Variants in RALGAPA2 observed in about 807,000 individuals in gnomAD.
The protein encoded by RALGAPA2 is Ral GTPase activating protein catalytic subunit alpha 2.
RALGAPA2 carries 139 observed loss-of-function variants against 230.4 expected under a neutral mutation model. The observed-to-expected ratio is 0.60, with a 90% CI of 0.53 to 0.69. RALGAPA2 has a LOEUF of 0.69. Among genes scored for constraint, RALGAPA2 ranks in the 30% least tolerant of loss-of-function variants. RALGAPA2 has a pLI of 0.00. For missense variants in RALGAPA2, 2,163 were observed against 2,276.0 expected (o/e 0.95, Z 1.01); for synonymous variants, 847 against 837.8 (o/e 1.01, Z -0.19).
At chr20:20,581,869 T>C (rs1225031821) in intron 20 of RALGAPA2, among the ~76,000 whole-genome samples, 1 of 152,208 alleles carries the variant, frequency 6.6e-6, no homozygotes, top group Non-Finnish European at 1.5e-5. Context: ...TTAGCCTTTA[T>C]GTTAATCATT....
At position 20,616,079 on chromosome 20, in the gene RALGAPA2, C is replaced by G. The variant is rs770356194; in HGVS notation, c.1652G>C (p.Arg551Pro). Reference protein sequence around the residue: ...ACKAVLIIFRRMIMELTMNKK... With the variant: ...ACKAVLIIFRPMIMELTMNKK... ...ATTCATTGTAAGCTCCATTATCATG[C>G]GCCTAAAAATAATCAAAACAGCTTT... Residue 551 changes from arginine to proline, a missense_variant, in exon 13 of 40, where the codon CGC becomes CCC. Physicochemically the swap from Arg to Pro is moderately radical, Grantham distance 103. Coordinates refer to ENST00000202677, the MANE Select transcript of RALGAPA2 (RefSeq NM_020343.4). 5 of 1,548,366 alleles carry G rather than the reference C, an allele frequency of 3.2e-6. No homozygotes were observed. The East Asian group carries it at 9.5e-5, about 29-fold the overall frequency.
chr20:20,444,853 C>G (rs896322258), intron 37 of RALGAPA2, among the ~76,000 whole-genome samples: 9 of 152,182 alleles, frequency 5.9e-5, no homozygotes, highest in Non-Finnish European at 1.5e-5. Flanking sequence ...ATGGAAGATT[C>G]CAGAAGTAAT....
chr20:20,405,607 G>A (rs533023752), intron 38 of RALGAPA2, among the ~76,000 whole-genome samples: 3 of 152,336 alleles, frequency 2.0e-5, no homozygotes, highest in South Asian at 4.1e-4. Flanking sequence ...GAAGAAGCAC[G>A]AAGCCTAAAG....
intron 1 of RALGAPA2, among the ~76,000 whole-genome samples, chr20:20,691,160 C>T (rs1000824321): frequency 6.6e-6 from 1 of 152,150 alleles, no homozygotes; most frequent in African/African-American, 2.4e-5. Context: ...TCTTATCCTT[C>T]CCGCCCACTC....
intron 17 of RALGAPA2, 42 bp from the exon 18 acceptor site, chr20:20,589,407 T>A: frequency 3.3e-6 from 5 of 1,525,894 alleles, no homozygotes; most frequent in Non-Finnish European, 4.4e-6. Context: ...ATAGAAGGAA[T>A]GTTTCAGATA....
intron 3 of RALGAPA2, among the ~76,000 whole-genome samples, chr20:20,661,676 T>A (rs1040317550): frequency 2.6e-5 from 4 of 152,146 alleles, no homozygotes; most frequent in Non-Finnish European, 5.9e-5. Context: ...GTGTACTGGT[T>A]ACCACACACA....
chr20:20,506,233 G>A (rs1289883419), intron 33 of RALGAPA2, among the ~76,000 whole-genome samples: 1 of 151,892 alleles, frequency 6.6e-6, no homozygotes, highest in Non-Finnish European at 1.5e-5. Flanking sequence ...GGATACTCTG[G>A]TATCAAATCA....
chr20:20,571,914 G>A lies in RALGAPA2; in HGVS notation c.2934C>T (p.Asn978=). The change falls in exon 22 of 40, where the codon AAC becomes AAT. Residue 978 remains asparagine (N), a synonymous_variant. Transcript: ENST00000202677. ...AAACTGGAGGAGATGGAGAAGACTG[G>A]TTATCCAGGCTTATTGCTAGATTAT... ...IRDNLAISLD[N]QSSPSPPVLI... is the part of the protein sequence containing the mutation. 2 of 1,610,854 alleles carry A rather than the reference G, an allele frequency of 1.2e-6. No individual in the cohort carries two copies. Among genetic ancestry groups the A allele is most frequent in the Non-Finnish European group, 1.7e-6 (2 of 1,178,190 alleles).
intron 37 of RALGAPA2, among the ~76,000 whole-genome samples, chr20:20,434,559 T>C (rs942571563): frequency 2.0e-5 from 3 of 152,174 alleles, no homozygotes; most frequent in Non-Finnish European, 4.4e-5. Flanking sequence ...CAGGAGGAGA[T>C]GACCACGTTC....
chr20:20,633,141 TC>T, intron 9 of RALGAPA2, among the ~76,000 whole-genome samples: 1 of 151,764 alleles, frequency 6.6e-6, no homozygotes, highest in South Asian at 2.1e-4. Context: ...TTTCTTTCTT[TC>T]TTCTTTTTTG....
At chr20:20,708,116 C>T (rs1164086876) in intron 1 of RALGAPA2, among the ~76,000 whole-genome samples, 1 of 152,046 alleles carries the variant, frequency 6.6e-6, no homozygotes, top group Admixed American at 6.6e-5. Context: ...GTAAAAAATA[C>T]TGATAGCATT....
chr20:20,536,608 A>C (rs2063504328), intron 25 of RALGAPA2, 48 bp downstream of exon 25: 4 of 1,585,026 alleles, frequency 2.5e-6, no homozygotes, highest in Middle Eastern at 3.4e-4. Context: ...ATACATCTAG[A>C]ATTATAAAAA....
chr20:20,618,381 T>C (rs908944782), intron 12 of RALGAPA2, among the ~76,000 whole-genome samples: 1 of 152,144 alleles, frequency 6.6e-6, no homozygotes, highest in Non-Finnish European at 1.5e-5. Context: ...TGTGAAATCA[T>C]CTCAACTTTT....
chr20:20,499,831 T>G (rs1381980942), intron 35 of RALGAPA2, among the ~76,000 whole-genome samples: 8 of 152,218 alleles, frequency 5.3e-5, no homozygotes, highest in African/African-American at 1.9e-4. Context: ...ATGTTTCACA[T>G]GCACTGCTGC....
chr20:20,583,090 A>G lies in RALGAPA2; in HGVS notation c.2667T>C (p.His889=), dbSNP rs1408731430. Residue 889 remains histidine, a synonymous_variant, in exon 20 of 40, where the codon CAT becomes CAC. Transcript: ENST00000202677. The part of the protein sequence containing the change: ...TDVVADADAR[H]WLQLSPTDAS... ...CATCGGTGGGACTCAGTTGTAACCA[A>G]TGACGGGCATCAGCATCAGCCACAA... 1 of 1,613,676 alleles carries G rather than the reference A, an allele frequency of 6.2e-7. No homozygotes were observed. Among genetic ancestry groups the G allele is most frequent in the Non-Finnish European group, 8.5e-7 (1 of 1,179,722 alleles).
At chr20:20,664,004 T>C (rs781259565) in intron 3 of RALGAPA2, among the ~76,000 whole-genome samples, 1 of 152,202 alleles carries the variant, frequency 6.6e-6, no homozygotes, top group Non-Finnish European at 1.5e-5. Context: ...AGCTAGCATC[T>C]ACAGCATGGA....
At chr20:20,402,857 G>C (rs760078946) in intron 38 of RALGAPA2, among the ~76,000 whole-genome samples, 1 of 152,156 alleles carries the variant, frequency 6.6e-6, no homozygotes, top group Non-Finnish European at 1.5e-5. Flanking sequence ...ACCAGAGCAA[G>C]AGCCAAGGTC....
rs776505021 is a variant in RALGAPA2 at position 20,531,668 on chromosome 20, C to T, written c.3582+19G>A. 6.4e-7 allele frequency: 1 copy of T among 1,550,700 alleles called. No individual in the cohort carries two copies. Among genetic ancestry groups the T allele is most frequent in the Non-Finnish European group, 8.8e-7 (1 of 1,132,440 alleles). ...CAGATATGGCTTAATATCCAATCAG[C>T]ACCACAAACTGGTAATACCTTCAGA... On this transcript the variant is annotated intron_variant, in intron 27 of 39. Coordinates refer to ENST00000202677, the MANE Select transcript of RALGAPA2 (RefSeq NM_020343.4).
intron 37 of RALGAPA2, among the ~76,000 whole-genome samples, chr20:20,429,555 T>C (rs779896513): frequency 7.9e-5 from 12 of 152,234 alleles, no homozygotes; most frequent in Admixed American, 3.3e-4. Context: ...GCAGCAAGAT[T>C]TGAAAAATTT....
Sources: gnomAD v4.1 joint callset for allele counts (sites outside exome capture counted in the v4.1 genomes callset) on GRCh38, gnomAD v4.1.1 for gene constraint, MANE v1.5 for transcripts, NCBI Gene and HGNC (gene_info 2026-07-23, HGNC 2026-07-21) for gene names.